The following RANBP2 variants were observed in gnomAD, a reference collection of about 807,000 sequenced individuals.
RANBP2 encodes the protein RAN binding protein 2, also known as E3 SUMO-protein ligase RanBP2.
RANBP2 carries 57 observed loss-of-function variants against 303.6 expected under a neutral mutation model. That is an observed-to-expected ratio of 0.19 (90% CI 0.15 to 0.23). The LOEUF (loss-of-function observed/expected upper bound fraction) is 0.23, where lower values mean the gene tolerates loss of function less well. Among genes scored for constraint, RANBP2 ranks in the 10% least tolerant of loss-of-function variants. The pLI is 1.00. For synonymous variants in RANBP2, 1,167 were observed against 1,301.5 expected (o/e 0.90, Z 2.23); for missense variants, 3,138 against 3,780.8 (o/e 0.83, Z 4.46).
At chr2:109,059,258 C>T in the RANBP2 span, among the ~76,000 whole-genome samples, 15 of 152,168 alleles carry the variant, frequency 9.9e-5, no homozygotes, top group African/African-American at 2.9e-4. Context: ...TCTAGTTATC[C>T]GCCTAAACTA....
chr2:109,580,630 G>T, the RANBP2 span, among the ~76,000 whole-genome samples: 2 of 152,014 alleles, frequency 1.3e-5, no homozygotes, highest in Admixed American at 1.3e-4. Context: ...AACAATGAAA[G>T]AAAGAAAAAT....
At chr2:108,812,650 A>C in the RANBP2 span, 1 of 1,612,764 alleles carries the variant, frequency 6.2e-7, no homozygotes, top group Non-Finnish European at 8.5e-7. Flanking sequence ...GCAAGTGAAG[A>C]AAACAGGAAG....
At chr2:109,522,771 A>G in the RANBP2 span, among the ~76,000 whole-genome samples, 20 of 152,294 alleles carry the variant, frequency 1.3e-4, 1 homozygote, top group Admixed American at 9.2e-4. Flanking sequence ...TGCTCCTGGG[A>G]TTAGGAACCA....
At chr2:109,015,969 C>G in the RANBP2 span, among the ~76,000 whole-genome samples, 1 of 152,146 alleles carries the variant, frequency 6.6e-6, no homozygotes, top group Non-Finnish European at 1.5e-5. Flanking sequence ...GTTCAAGGGT[C>G]AGTGGATATA....
chr2:109,152,669 A>G, the RANBP2 span, among the ~76,000 whole-genome samples: 1 of 152,112 alleles, frequency 6.6e-6, no homozygotes, highest in Non-Finnish European at 1.5e-5. Context: ...TAAGCATTTC[A>G]TGGTTTCAAG....
At chr2:109,214,590 C>A in the RANBP2 span, among the ~76,000 whole-genome samples, 2 of 152,076 alleles carry the variant, frequency 1.3e-5, no homozygotes, top group African/African-American at 4.8e-5. Context: ...TGAAAGACAG[C>A]CAAACAGGAA....
At chr2:109,688,976 G>A in the RANBP2 span, among the ~76,000 whole-genome samples, 22 of 149,286 alleles carry the variant, frequency 1.5e-4, no homozygotes, top group Admixed American at 2.0e-4. Context: ...GCATGATCTC[G>A]GCTCACTGCA....
chr2:109,141,146 G>A, the RANBP2 span, among the ~76,000 whole-genome samples: 2 of 152,048 alleles, frequency 1.3e-5, no homozygotes, highest in African/African-American at 2.4e-5. Flanking sequence ...CACACCCCCC[G>A]GAGCCCAGGT....
chr2:109,013,612 G>A, the RANBP2 span, among the ~76,000 whole-genome samples: 2 of 148,568 alleles, frequency 1.3e-5, no homozygotes, highest in Non-Finnish European at 3.0e-5. Flanking sequence ...TTTTTTTTGA[G>A]ATGGAGTCTC....
the RANBP2 span, among the ~76,000 whole-genome samples, chr2:109,171,912 G>A: frequency 6.6e-6 from 1 of 152,270 alleles, no homozygotes. Flanking sequence ...TAAAGGGCAT[G>A]CATGTGCCGA....
the RANBP2 span, among the ~76,000 whole-genome samples, chr2:108,893,252 C>T: frequency 2.6e-5 from 4 of 152,204 alleles, no homozygotes; most frequent in African/African-American, 9.7e-5. Context: ...AGTACACCTT[C>T]TAACAGAATA....
At chr2:109,689,267 C>T in the RANBP2 span, among the ~76,000 whole-genome samples, 45 of 152,278 alleles carry the variant, frequency 3.0e-4, no homozygotes, top group South Asian at 6.9e-3. Context: ...CAGTTAGGAA[C>T]AGCCCTGGGA....
chr2:109,477,613 G>GGTGTGT, the RANBP2 span, among the ~76,000 whole-genome samples: 2,858 of 149,420 alleles, frequency 0.019, 63 homozygotes, highest in South Asian at 0.07. Flanking sequence ...GCCACAGATG[G>GGTGTGT]GTGTGTGTGT....
the RANBP2 span, among the ~76,000 whole-genome samples, chr2:109,654,657 A>G: frequency 6.6e-6 from 1 of 152,106 alleles, no homozygotes; most frequent in Admixed American, 6.5e-5. Flanking sequence ...AGAGCTCATC[A>G]CTGCTTTCAA....
intron 7 of RANBP2, among the ~76,000 whole-genome samples, chr2:108,744,902 T>C (rs577740907): frequency 5.2e-4 from 79 of 152,368 alleles, no homozygotes; most frequent in African/African-American, 1.4e-3. Flanking sequence ...TAAACACATA[T>C]ATATCTCCTG....
At chr2:108,786,737 G>T, downstream of RANBP2, 1 of 1,279,852 alleles carries the variant, frequency 7.8e-7, no homozygotes, top group South Asian at 1.3e-5. Context: ...GGCGGGGTCT[G>T]GCACGTCGTG....
At chr2:108,733,418 C>T (rs1486099069) in intron 4 of RANBP2, among the ~76,000 whole-genome samples, 2 of 151,938 alleles carry the variant, frequency 1.3e-5, no homozygotes, top group African/African-American at 4.8e-5. Flanking sequence ...CAGGTGTGAG[C>T]CACTGTGCCC....
chr2:108,943,652 A>G, the RANBP2 span, among the ~76,000 whole-genome samples: 3 of 152,010 alleles, frequency 2.0e-5, no homozygotes, highest in Non-Finnish European at 4.4e-5. Flanking sequence ...GACTCCGCGT[A>G]TTTTCCGTGG....
At chr2:109,144,318 C>T in the RANBP2 span, among the ~76,000 whole-genome samples, 1 of 152,056 alleles carries the variant, frequency 6.6e-6, no homozygotes, top group African/African-American at 2.4e-5. Context: ...GTCTGTTATA[C>T]CTCAATAAAA....
Sources: allele counts gnomAD v4.1 joint callset (sites outside exome capture counted in the v4.1 genomes callset), GRCh38; gene constraint gnomAD v4.1.1; transcripts MANE v1.5; gene names NCBI Gene and HGNC (gene_info 2026-07-23, HGNC 2026-07-21).